Variants in SRGAP3 observed in about 807,000 individuals in gnomAD.
SRGAP3 encodes SLIT-ROBO Rho GTPase-activating protein 3.
SRGAP3 carries 39 observed loss-of-function variants against 121.1 expected under a neutral mutation model. The ratio of observed to expected loss-of-function variants is 0.32; its 90% CI spans 0.25 to 0.42. The LOEUF is 0.42. Ranked by LOEUF, SRGAP3 falls within the 10% of genes least tolerant of loss-of-function variation. The probability of loss-of-function intolerance (pLI) is 1.00; values close to 1 mark genes in which losing one functional copy is unlikely to be tolerated. For missense variants in SRGAP3, 1,213 were observed against 1,470.6 expected, an observed-to-expected ratio of 0.82 and a Z score of 2.86; for synonymous variants, 601 against 570.0, an observed-to-expected ratio of 1.05 and a Z score of -0.77.
chr3:9,047,587 G>A (rs772888988), intron 9 of SRGAP3, 112 bp from the exon 10 acceptor site: 34 of 1,012,256 alleles, frequency 3.4e-5, no homozygotes, highest in Non-Finnish European at 5.0e-5. Flanking sequence ...CACGTCACCC[G>A]CAGGGACCCC....
At chr3:9,237,272 G>A (rs1245162941) in intron 1 of SRGAP3, among the ~76,000 whole-genome samples, 1 of 152,204 alleles carries the variant, frequency 6.6e-6, no homozygotes, top group Middle Eastern at 3.2e-3. Context: ...ATTTGGCTAT[G>A]TCTGGAGACA....
In SRGAP3 at chr3:9,181,396, T is replaced by C. The variant is rs183268295; in HGVS notation, c.68-56479A>G. ...AGCTACTTAACACAACACAAGTTTATTATCTCACCGTTCTGTAGCTCAGAA... is the reference window on the plus strand; with the variant it reads ...AGCTACTTAACACAACACAAGTTTACTATCTCACCGTTCTGTAGCTCAGAA... On this transcript the variant is annotated intron_variant, in intron 1 of 21. Coordinates refer to ENST00000383836, the MANE Select transcript of SRGAP3 (RefSeq NM_014850.4). 1.1e-3 allele frequency among the ~76,000 whole-genome samples: 175 copies of C among 152,368 alleles called. 2 individuals are homozygous for C. The highest frequency in any genetic ancestry group is 5.8e-4 in the East Asian group (3 of 5,190).
chr3:9,104,424 C>A (rs1000300994), intron 3 of SRGAP3, among the ~76,000 whole-genome samples: 5 of 152,198 alleles, frequency 3.3e-5, no homozygotes, highest in Non-Finnish European at 5.9e-5. Flanking sequence ...GTACTACTTA[C>A]CTAGCCATGC....
At chr3:9,277,414 A>C (rs971791741) in intron 3 of SRGAP3, among the ~76,000 whole-genome samples, 5 of 151,742 alleles carry the variant, frequency 3.3e-5, no homozygotes, top group Non-Finnish European at 5.9e-5. Flanking sequence ...AGCTTGGCCA[A>C]CATGGCAAGT....
chr3:9,278,483 A>C (rs150691523), intron 3 of SRGAP3, among the ~76,000 whole-genome samples: 1 of 152,350 alleles, frequency 6.6e-6, no homozygotes, highest in African/African-American at 2.4e-5. Context: ...AATGAGATTG[A>C]TAATATTGTG....
rs886566232 is a variant in SRGAP3 at position 8,983,776 on chromosome 3, A to G, written c.*1743T>C. On this transcript the variant is annotated 3_prime_UTR_variant, in exon 22 of 22. Transcript: ENST00000383836. ...ACTGATGTTTGACCTTTATTACCCT[A>G]TTTTATGGAGCAGAACAGTCAGGCT... 7 of 230,004 alleles carry G rather than the reference A, an allele frequency of 3.0e-5. No individual in the cohort carries two copies. The highest frequency in any genetic ancestry group is 6.0e-5 in the Non-Finnish European group (7 of 116,142). 14.2% of individuals were successfully genotyped at this position (230,004 alleles called of 1,614,324 possible).
intron 1 of SRGAP3, among the ~76,000 whole-genome samples, chr3:9,212,448 A>G (rs1952477816): frequency 6.6e-6 from 1 of 152,220 alleles, no homozygotes; most frequent in South Asian, 2.1e-4. Context: ...GGGGCCAGGC[A>G]CAGTGGCTCA....
At chr3:9,208,478 C>A (rs1952339330) in intron 1 of SRGAP3, among the ~76,000 whole-genome samples, 1 of 152,192 alleles carries the variant, frequency 6.6e-6, no homozygotes, top group Non-Finnish European at 1.5e-5. Context: ...ATCCACTTTT[C>A]CTGCTTTCAC....
chr3:9,219,685 C>T (rs1408237798), intron 1 of SRGAP3, among the ~76,000 whole-genome samples: 3 of 152,078 alleles, frequency 2.0e-5, no homozygotes, highest in Non-Finnish European at 4.4e-5. Context: ...CCCGTCTCTA[C>T]TAAAAACACA....
intron 1 of SRGAP3, among the ~76,000 whole-genome samples, chr3:9,214,054 C>T (rs1431915082): frequency 3.3e-5 from 5 of 151,774 alleles, no homozygotes; most frequent in Admixed American, 3.3e-4. Context: ...TGAATCCGTC[C>T]TATTTGTTAC....
intron 1 of SRGAP3, among the ~76,000 whole-genome samples, chr3:9,333,739 G>A (rs1002003298): frequency 1.3e-5 from 2 of 151,750 alleles, no homozygotes; most frequent in African/African-American, 4.8e-5. Flanking sequence ...AAAGAATGAG[G>A]GTACAATTTG....
At chr3:9,313,712 T>C (rs1485260327) in intron 3 of SRGAP3, among the ~76,000 whole-genome samples, 1 of 151,386 alleles carries the variant, frequency 6.6e-6, no homozygotes, top group Non-Finnish European at 1.5e-5. Context: ...TAGCTCATAA[T>C]TGGCCAGTAT....
chr3:9,091,968 C>T (rs183136951), intron 3 of SRGAP3, among the ~76,000 whole-genome samples: 83 of 152,172 alleles, frequency 5.5e-4, no homozygotes, highest in African/African-American at 1.9e-3. Flanking sequence ...TTAGGTCTTC[C>T]TACTGTTGCC....
At chr3:9,238,790 TG>T (rs1298097891) in intron 1 of SRGAP3, among the ~76,000 whole-genome samples, 3 of 152,116 alleles carry the variant, frequency 2.0e-5, no homozygotes, top group Non-Finnish European at 2.9e-5. Context: ...GGGTCCCTCA[TG>T]GCCCAGTGTG....
chr3:9,256,700 C>G (rs1018212522), intron 3 of SRGAP3: 1 of 397,180 alleles, frequency 2.5e-6, no homozygotes, highest in African/African-American at 2.1e-5. Context: ...GGAAAAGTGA[C>G]TTAGCTGATT....
chr3:9,286,986 CTTTT>C (rs36096507), intron 3 of SRGAP3, among the ~76,000 whole-genome samples: 14 of 79,094 alleles, frequency 1.8e-4, no homozygotes, highest in Non-Finnish European at 2.7e-4. Flanking sequence ...CACTGACACT[CTTTT>C]TTTTTTTTTT....
At chr3:9,041,240 C>T (rs545087481) in intron 10 of SRGAP3, among the ~76,000 whole-genome samples, 38 of 152,330 alleles carry the variant, frequency 2.5e-4, no homozygotes, top group Non-Finnish European at 1.2e-4. Flanking sequence ...GGTTGCCTAA[C>T]TTCAAGTCTA....
chr3:9,187,816 C>T (rs988949882), intron 1 of SRGAP3, among the ~76,000 whole-genome samples: 1 of 152,226 alleles, frequency 6.6e-6, no homozygotes, highest in Non-Finnish European at 1.5e-5. Flanking sequence ...AGGCCGTGTA[C>T]GACGTGACTT....
chr3:9,093,840 T>A (rs1302218701), intron 3 of SRGAP3, among the ~76,000 whole-genome samples: 3 of 152,184 alleles, frequency 2.0e-5, no homozygotes, highest in Non-Finnish European at 4.4e-5. Context: ...GTCTAGAAAA[T>A]AAATCCCAGC....
Sources: gnomAD v4.1 joint callset for allele counts (sites outside exome capture counted in the v4.1 genomes callset) on GRCh38, gnomAD v4.1.1 for gene constraint, MANE v1.5 for transcripts, NCBI Gene and HGNC (gene_info 2026-07-23, HGNC 2026-07-21) for gene names.